Variants in PVT1 observed in about 807,000 individuals in gnomAD.
PVT1 encodes the protein CXCR4/PVT1 fusion.
intron 3 of PVT1, among the ~76,000 whole-genome samples, chr8:127,973,864 C>T (rs1355653286): frequency 6.6e-6 from 1 of 151,782 alleles, no homozygotes; most frequent in Non-Finnish European, 1.5e-5. Flanking sequence ...CCTGTAGTCC[C>T]AGCTACTCGG....
chr8:127,957,205 A>G (rs1369439046), intron 3 of PVT1, among the ~76,000 whole-genome samples: 1 of 152,220 alleles, frequency 6.6e-6, no homozygotes, highest in East Asian at 1.9e-4. Flanking sequence ...GCTCCCGAGC[A>G]CTAGGAAAAG....
chr8:127,796,074 A>G (rs1029418226), intron 2 of PVT1: 2 of 170,290 alleles, frequency 1.2e-5, no homozygotes, highest in Non-Finnish European at 2.9e-5. Context: ...ACTTACGGGT[A>G]TGACTGTGGG....
chr8:127,970,215 T>G (rs1816747413), intron 3 of PVT1, among the ~76,000 whole-genome samples: 2 of 148,454 alleles, frequency 1.3e-5, no homozygotes, highest in Non-Finnish European at 3.0e-5. Context: ...CCTCAGACCC[T>G]CAGGGGGCAC....
chr8:127,971,181 A>G (rs763323835), intron 3 of PVT1, among the ~76,000 whole-genome samples: 14 of 152,246 alleles, frequency 9.2e-5, no homozygotes, highest in Non-Finnish European at 1.5e-4. Flanking sequence ...TATGGAGGGC[A>G]GACAGTTTCT....
intron 4 of PVT1, among the ~76,000 whole-genome samples, chr8:127,994,376 G>C (rs1054014165): frequency 6.6e-6 from 1 of 152,160 alleles, no homozygotes; most frequent in Non-Finnish European, 1.5e-5. Flanking sequence ...ACTGGCAGGA[G>C]GTAGCCATTC....
chr8:128,068,553 G>A (rs1240016029), intron 4 of PVT1, among the ~76,000 whole-genome samples: 3 of 152,240 alleles, frequency 2.0e-5, no homozygotes, highest in Non-Finnish European at 4.4e-5. Flanking sequence ...CTGGAGTGCA[G>A]TGGTGCGATC....
At chr8:128,086,467 A>G (rs973381880) in intron 5 of PVT1, among the ~76,000 whole-genome samples, 2 of 152,232 alleles carry the variant, frequency 1.3e-5, no homozygotes, top group African/African-American at 4.8e-5. Context: ...CCCCAAAGTC[A>G]CACAGCTTGA....
At chr8:128,052,142 T>C (rs992255565) in intron 4 of PVT1, among the ~76,000 whole-genome samples, 3 of 152,244 alleles carry the variant, frequency 2.0e-5, no homozygotes, top group Admixed American at 2.0e-4. Flanking sequence ...GCAAGTTTAC[T>C]GCTGGAATTC....
At chr8:127,996,927 A>G (rs886089778) in intron 4 of PVT1, among the ~76,000 whole-genome samples, 1 of 152,046 alleles carries the variant, frequency 6.6e-6, no homozygotes, top group Non-Finnish European at 1.5e-5. Flanking sequence ...TTTCCTCTGC[A>G]GAGTGGCCTG....
chr8:128,083,095 C>T (rs997129249), intron 5 of PVT1, among the ~76,000 whole-genome samples: 1 of 152,170 alleles, frequency 6.6e-6, no homozygotes, highest in Non-Finnish European at 1.5e-5. Flanking sequence ...CTAATCTTGG[C>T]TCTGTGGCGT....
chr8:127,940,415 C>T (rs946953441), intron 3 of PVT1: 3 of 152,112 alleles, frequency 2.0e-5, no homozygotes, highest in African/African-American at 7.2e-5. Context: ...GCTGGTCAGA[C>T]CCGGTTCTGC....
chr8:127,924,269 T>C (rs1484075666), intron 3 of PVT1, among the ~76,000 whole-genome samples: 4 of 152,206 alleles, frequency 2.6e-5, no homozygotes, highest in African/African-American at 7.2e-5. Flanking sequence ...ATAGCAGCTT[T>C]ATTGAGATAT....
intron 4 of PVT1, among the ~76,000 whole-genome samples, chr8:128,011,505 T>C (rs1381102687): frequency 1.3e-5 from 2 of 152,172 alleles, no homozygotes; most frequent in Non-Finnish European, 2.9e-5. Context: ...CCATCCACAA[T>C]GCAAGGAGAG....
intron 2 of PVT1, among the ~76,000 whole-genome samples, chr8:127,890,428 C>G (rs1411293419): frequency 1.3e-5 from 2 of 152,240 alleles, no homozygotes; most frequent in Admixed American, 1.3e-4. Flanking sequence ...CTGAAGGCCT[C>G]CCTGGACACC....
At chr8:128,087,784 G>A (rs1254545602) in intron 5 of PVT1, among the ~76,000 whole-genome samples, 1 of 114,072 alleles carries the variant, frequency 8.8e-6, no homozygotes, top group Non-Finnish European at 1.6e-5. Context: ...ATGGAGTCTC[G>A]TTCTGTCTCC....
rs553348440 is a variant in PVT1 at position 128,030,935 on chromosome 8, G to A, written n.913-39225G>A. Among the ~76,000 whole-genome samples the A allele has an allele frequency of 3.3e-5, 5 of 152,272 alleles. No homozygotes were observed. In the South Asian group the frequency reaches 1.0e-3, roughly 32 times the overall value. On this transcript the variant is annotated intron_variant and non_coding_transcript_variant, in intron 4 of 10. Coordinates refer to ENST00000651587, the Ensembl canonical transcript of PVT1. Reference sequence around the variant, plus strand: ...GTTCAGTAAATGACTATCGAATTGTGGAAACAGGGATCTCTCCATCCTGGA... The same window carrying A: ...GTTCAGTAAATGACTATCGAATTGTAGAAACAGGGATCTCTCCATCCTGGA...
intron 3 of PVT1, among the ~76,000 whole-genome samples, chr8:127,904,446 C>T (rs533721258): frequency 6.6e-6 from 1 of 150,788 alleles, no homozygotes; most frequent in East Asian, 1.9e-4. Flanking sequence ...GGGGCCAGCT[C>T]AGTGTTTTAC....
chr8:127,999,244 C>A (rs1292596089), intron 4 of PVT1: 1 of 152,166 alleles, frequency 6.6e-6, no homozygotes, highest in Non-Finnish European at 1.5e-5. Context: ...ATGTGGGAGA[C>A]TTGACTGCAT....
chr8:127,980,014 G>C (rs1379229675), intron 3 of PVT1, among the ~76,000 whole-genome samples: 2 of 144,434 alleles, frequency 1.4e-5, no homozygotes, highest in African/African-American at 4.9e-5. Context: ...CAAGTAGTTA[G>C]ACCTACAGGT....
Sources: gnomAD v4.1 joint callset for allele counts (sites outside exome capture counted in the v4.1 genomes callset) on GRCh38, gnomAD v4.1.1 for gene constraint, MANE v1.5 for transcripts, NCBI Gene and HGNC (gene_info 2026-07-23, HGNC 2026-07-21) for gene names.